CBFA2T2: variants seen among roughly 807,000 people sequenced by gnomAD.
CBFA2T2 encodes the protein protein CBFA2T2.
Under a neutral mutation model 62.2 loss-of-function variants are expected in CBFA2T2, and 11 were observed. The ratio of observed to expected loss-of-function variants is 0.18; its 90% confidence interval spans 0.11 to 0.29. CBFA2T2 has a LOEUF of 0.29. Among genes scored for constraint, CBFA2T2 ranks in the 10% least tolerant of loss-of-function variants. CBFA2T2 has a pLI of 1.00. For missense variants in CBFA2T2, 592 were observed against 774.1 expected, an observed-to-expected ratio of 0.76 and a Z score of 2.79; for synonymous variants, 295 against 287.5, an observed-to-expected ratio of 1.03 and a Z score of -0.27.
chr20:33,514,768 C>A (rs2011571780), intron 1 of CBFA2T2, among the ~76,000 whole-genome samples: 1 of 151,870 alleles, frequency 6.6e-6, no homozygotes, highest in African/African-American at 2.4e-5. Flanking sequence ...TGGGGTCTTG[C>A]TCACTGCAAC....
chr20:33,501,882 C>G (rs2011290175), intron 1 of CBFA2T2, among the ~76,000 whole-genome samples: 1 of 151,878 alleles, frequency 6.6e-6, no homozygotes, highest in Non-Finnish European at 1.5e-5. Context: ...TCAGGTGATT[C>G]GCCTGAGTCA....
intron 4 of CBFA2T2, among the ~76,000 whole-genome samples, chr20:33,622,871 G>A (rs1416910405): frequency 1.3e-5 from 2 of 152,176 alleles, no homozygotes; most frequent in East Asian, 3.8e-4. Context: ...AGGCTGCAAA[G>A]GTAAATAAGG....
chr20:33,587,191 G>A (rs2014405144), intron 1 of CBFA2T2, among the ~76,000 whole-genome samples: 1 of 152,086 alleles, frequency 6.6e-6, no homozygotes, highest in South Asian at 2.1e-4. Context: ...CAATCCTCCT[G>A]CCTTGGCCTC....
chr20:33,575,930 A>G (rs1359138867), intron 1 of CBFA2T2, among the ~76,000 whole-genome samples: 1 of 147,974 alleles, frequency 6.8e-6, no homozygotes, highest in Non-Finnish European at 1.5e-5. Flanking sequence ...GGCGCCAGCC[A>G]CCACGCCTGG....
At chr20:33,613,419 GAC>G (rs911488654) in intron 3 of CBFA2T2, among the ~76,000 whole-genome samples, 1 of 152,226 alleles carries the variant, frequency 6.6e-6, no homozygotes, top group Non-Finnish European at 1.5e-5. Context: ...TAGTGAGAGA[GAC>G]ACAGTCTGGA....
intron 3 of CBFA2T2, 40 bp downstream of exon 3, chr20:33,611,375 T>C (rs771809054): frequency 6.7e-5 from 107 of 1,605,980 alleles, no homozygotes; most frequent in Non-Finnish European, 8.5e-5. Context: ...TGCCTGAGTA[T>C]GTGGCTCAGG....
At chr20:33,512,980 C>T (rs773970374) in intron 1 of CBFA2T2, among the ~76,000 whole-genome samples, 3 of 152,036 alleles carry the variant, frequency 2.0e-5, no homozygotes, top group Non-Finnish European at 2.9e-5. Context: ...TCTCGATCTC[C>T]TGACCTTGTG....
In CBFA2T2 at chr20:33,624,825, T is replaced by C. The variant is rs752411521; in HGVS notation, c.754T>C (p.Cys252Arg). The C allele has an allele frequency of 3.1e-6, 5 of 1,614,192 alleles. No individual in the cohort carries two copies. The highest frequency in any genetic ancestry group is 1.1e-5 in the South Asian group (1 of 91,088). Residue 252 changes from cysteine to arginine, a missense_variant, in exon 6 of 11, where the codon TGT becomes CGT. Physicochemically the swap from Cys to Arg is radical, Grantham distance 180. This residue lies in a region of CBFA2T2 where 449 missense variants were observed against 551.2 expected (regional missense o/e 0.81). Transcript: ENST00000342704. ...TCCTGAGCCTCCTGCCAAGAGAGTA[T>C]GTACCATCAGCCCTGCTCCTCGGCA... is the stretch of plus-strand genomic sequence containing the variant. ...IAPEPPAKRVCTISPAPRHSP... is the reference protein window; with the variant it reads ...IAPEPPAKRVRTISPAPRHSP...
chr20:33,593,693 T>C (rs915812097), intron 1 of CBFA2T2, among the ~76,000 whole-genome samples: 1 of 152,192 alleles, frequency 6.6e-6, no homozygotes, highest in African/African-American at 2.4e-5. Context: ...ACGCCCAACC[T>C]TCTGACTGGT....
At chr20:33,574,908 G>T (rs1466025609) in intron 1 of CBFA2T2, among the ~76,000 whole-genome samples, 1 of 152,138 alleles carries the variant, frequency 6.6e-6, no homozygotes, top group Non-Finnish European at 1.5e-5. Context: ...ACTGATCAAT[G>T]TTTTTTATGC....
chr20:33,604,847 G>A (rs150176242), intron 1 of CBFA2T2, among the ~76,000 whole-genome samples: 2,772 of 152,284 alleles, frequency 0.018, 35 homozygotes, highest in Non-Finnish European at 0.024. Context: ...AGAAAGCTGG[G>A]CCCCAGATGG....
At chr20:33,547,606 A>G (rs983953197) in intron 1 of CBFA2T2, among the ~76,000 whole-genome samples, 1 of 151,574 alleles carries the variant, frequency 6.6e-6, no homozygotes, top group African/African-American at 2.4e-5. Context: ...ACTTGAGGTG[A>G]GGAGGTCAAG....
chr20:33,497,554 T>TC (rs1336745953), intron 1 of CBFA2T2, among the ~76,000 whole-genome samples: 2 of 148,310 alleles, frequency 1.3e-5, no homozygotes, highest in African/African-American at 5.0e-5. Flanking sequence ...ATACTTTTTT[T>TC]TTTTTTTTTT....
At chr20:33,498,432 A>G (rs1298250981) in intron 1 of CBFA2T2, among the ~76,000 whole-genome samples, 6 of 148,754 alleles carry the variant, frequency 4.0e-5, no homozygotes, top group Non-Finnish European at 8.9e-5. Flanking sequence ...TTGTATTTTT[A>G]GTGGAGATGG....
Position 33,648,792 on chromosome 20 carries a change from G to C in CBFA2T2, c.*4146G>C, listed in dbSNP as rs1034403231. The C allele has an allele frequency of 6.6e-6, 1 of 152,282 alleles. No homozygotes were observed. The highest frequency in any genetic ancestry group is 1.9e-4 in the East Asian group (1 of 5,190). 9.4% of individuals were successfully genotyped at this position (152,282 alleles called of 1,614,324 possible). Reference sequence around the variant, plus strand: ...CATTTGGGCCAGAAGGTCACCAGGAGTTCATCACTGCTTAGTGTCAACTTG... The same window carrying C: ...CATTTGGGCCAGAAGGTCACCAGGACTTCATCACTGCTTAGTGTCAACTTG... On this transcript the variant is annotated 3_prime_UTR_variant, in exon 11 of 11. Transcript: ENST00000342704.
chr20:33,590,152 G>A (rs1233310851), intron 1 of CBFA2T2, among the ~76,000 whole-genome samples: 1 of 151,736 alleles, frequency 6.6e-6, no homozygotes, highest in Non-Finnish European at 1.5e-5. Flanking sequence ...AGGCTGAGGT[G>A]GGAGGATCTC....
At position 33,649,685 on chromosome 20, in the gene CBFA2T2, A is replaced by T. The variant is rs2040448301; in HGVS notation, c.*5039A>T. The T allele has an allele frequency of 6.6e-6, 1 of 152,330 alleles. No homozygotes were observed. The allele number at this position is 152,330 out of a possible 1,614,324, so 9.4% of individuals were successfully genotyped here. A position where few individuals can be genotyped will look rare whatever the true frequency, so the allele number is the denominator to read the frequency against. ...AGCAGCAATAAGCATTAGGCGAATG[A>T]TTGAAAGGGCTGCTGCGCCAAGAGG... On this transcript the variant is annotated 3_prime_UTR_variant, in exon 11 of 11. Transcript: ENST00000342704.
chr20:33,640,902 ATTTTCT>A (rs1414151104), intron 10 of CBFA2T2, among the ~76,000 whole-genome samples: 4 of 151,948 alleles, frequency 2.6e-5, no homozygotes, highest in Non-Finnish European at 5.9e-5. Flanking sequence ...AAAGTTGTAT[ATTTTCT>A]TTTTGAGTCT....
intron 1 of CBFA2T2, among the ~76,000 whole-genome samples, chr20:33,592,746 G>A (rs2014717673): frequency 6.6e-6 from 1 of 152,002 alleles, no homozygotes; most frequent in African/African-American, 2.4e-5. Flanking sequence ...GACTAAGTAA[G>A]TATGAAGATG....
Sources: allele counts gnomAD v4.1 joint callset (sites outside exome capture counted in the v4.1 genomes callset), GRCh38; gene constraint gnomAD v4.1.1; regional missense constraint gnomAD v4.1.1; transcripts MANE v1.5; gene names NCBI Gene and HGNC (gene_info 2026-07-23, HGNC 2026-07-21).